The following TNS3 variants were observed in gnomAD, a reference collection of about 807,000 sequenced individuals.
TNS3 encodes the protein tensin 3.
Under a neutral mutation model 140.9 loss-of-function variants are expected in TNS3, and 45 were observed. The observed-to-expected ratio is 0.32, with a 90% CI of 0.25 to 0.41. The LOEUF is 0.41. Among genes scored for constraint, TNS3 ranks in the 10% least tolerant of loss-of-function variants. TNS3 has a pLI of 1.00. For synonymous variants in TNS3, 815 were observed against 788.4 expected, an observed-to-expected ratio of 1.03 and a Z score of -0.56; for missense variants, 1,716 against 1,906.7, an observed-to-expected ratio of 0.90 and a Z score of 1.86.
chr7:47,449,151 G>A (rs1305633296), intron 4 of TNS3, among the ~76,000 whole-genome samples: 1 of 152,232 alleles, frequency 6.6e-6, no homozygotes, highest in African/African-American at 2.4e-5. Flanking sequence ...ACTGCTCGAC[G>A]TTCAGCACTG....
At position 47,277,583 on chromosome 7, in the gene TNS3, G is replaced by A. The variant is rs940322977; in HGVS notation, c.*493C>T. 10 of 211,056 alleles carry A rather than the reference G, an allele frequency of 4.7e-5. No individual in the cohort carries two copies. Among genetic ancestry groups the A allele is most frequent in the South Asian group, 1.6e-4 (2 of 12,528 alleles). The allele number at this position is 211,056 out of a possible 1,614,324, so 13.1% of individuals were successfully genotyped here. ...AAACATACGCCCCCTTCTCAGTTTC[G>A]TTAGCATCTCCATCTTGGGAAGACC... On this transcript the variant is annotated 3_prime_UTR_variant, in exon 31 of 31. Transcript: ENST00000311160.
At chr7:47,545,502 C>A (rs576894489) in intron 1 of TNS3, among the ~76,000 whole-genome samples, 1 of 152,170 alleles carries the variant, frequency 6.6e-6, no homozygotes, top group East Asian at 1.9e-4. Context: ...AGTTTAACAA[C>A]CTGCTCAGCT....
In TNS3 at chr7:47,368,369, C is replaced by A. The variant is rs749034698; in HGVS notation, c.2277G>T (p.Arg759=). The A allele has an allele frequency of 8.8e-6, 13 of 1,484,934 alleles. No homozygotes were observed. Among genetic ancestry groups the A allele is most frequent in the African/African-American group, 1.4e-5 (1 of 70,778 alleles). The allele number at this position is 1,484,934 out of a possible 1,614,324, so 92.0% of individuals were successfully genotyped here. Residue 759 remains arginine (R), a synonymous_variant, in exon 17 of 31, where the codon CGG becomes CGT. Coordinates refer to ENST00000311160, the MANE Select transcript of TNS3 (RefSeq NM_022748.12). Reference sequence around the variant, plus strand: ...TCCCATGGAGACCCAGCTCACCTTGCCGCCCGGTGGCCCTGCTGGGGCCCT... The same window carrying A: ...TCCCATGGAGACCCAGCTCACCTTGACGCCCGGTGGCCCTGCTGGGGCCCT... ...TGEGPSRATG[R]QGSSAEQPLG...
At chr7:47,417,006 C>G (rs987469490) in intron 10 of TNS3, among the ~76,000 whole-genome samples, 4 of 152,212 alleles carry the variant, frequency 2.6e-5, no homozygotes, top group Non-Finnish European at 4.4e-5. Flanking sequence ...CCATGTGCTG[C>G]AGTGACCACG....
At chr7:47,459,442 A>G (rs1029861635) in intron 4 of TNS3, among the ~76,000 whole-genome samples, 2 of 152,208 alleles carry the variant, frequency 1.3e-5, no homozygotes, top group African/African-American at 4.8e-5. Context: ...AAGTGTCTGG[A>G]TAGTTATGAA....
At chr7:47,381,130 C>T (rs73111060) in intron 16 of TNS3, among the ~76,000 whole-genome samples, 2,131 of 152,342 alleles carry the variant, frequency 0.014, 20 homozygotes, top group Non-Finnish European at 0.02. Flanking sequence ...TTTCTGCCTT[C>T]ACTCCTGAGT....
intron 4 of TNS3, among the ~76,000 whole-genome samples, chr7:47,460,766 G>A (rs981355504): frequency 6.6e-6 from 1 of 152,220 alleles, no homozygotes; most frequent in Non-Finnish European, 1.5e-5. Context: ...AGTCAAGCTG[G>A]TTAATGTAAC....
intron 3 of TNS3, among the ~76,000 whole-genome samples, chr7:47,504,957 A>T (rs780573780): frequency 1.3e-5 from 2 of 151,888 alleles, no homozygotes; most frequent in Non-Finnish European, 2.9e-5. Flanking sequence ...ATATTCAGTG[A>T]TAGTTAAGGA....
At chr7:47,311,312 A>G (rs544738897) in intron 20 of TNS3, among the ~76,000 whole-genome samples, 2 of 152,272 alleles carry the variant, frequency 1.3e-5, no homozygotes, top group South Asian at 2.1e-4. Flanking sequence ...GTAAATGACG[A>G]GTTAATGGGT....
chr7:47,350,329 A>C (rs1311404296), intron 17 of TNS3, among the ~76,000 whole-genome samples: 2 of 152,216 alleles, frequency 1.3e-5, no homozygotes, highest in Non-Finnish European at 2.9e-5. Context: ...TCTCGTGTGA[A>C]TTTCAGATTT....
chr7:47,319,388 AGAGT>A (rs1012356893), intron 20 of TNS3, among the ~76,000 whole-genome samples: 1 of 152,028 alleles, frequency 6.6e-6, no homozygotes, highest in Non-Finnish European at 1.5e-5. Context: ...CGAGAGAGAG[AGAGT>A]GAGAGAGTGA....
intron 17 of TNS3, among the ~76,000 whole-genome samples, chr7:47,358,029 C>T (rs1201528951): frequency 6.6e-6 from 1 of 152,170 alleles, no homozygotes; most frequent in African/African-American, 2.4e-5. Context: ...GCCCCAAATA[C>T]CTCATCAATG....
At chr7:47,419,790 G>A (rs541394886) in intron 10 of TNS3, among the ~76,000 whole-genome samples, 103 of 152,028 alleles carry the variant, frequency 6.8e-4, no homozygotes, top group Middle Eastern at 3.4e-3. Flanking sequence ...CTGTTCTCTG[G>A]CCCCACCCAG....
In TNS3 at chr7:47,275,766, C is replaced by T. The variant is rs774978167; in HGVS notation, c.*2310G>A. 17 of 454,896 alleles carry T rather than the reference C, an allele frequency of 3.7e-5. No homozygotes were observed. Among genetic ancestry groups the T allele is most frequent in the South Asian group, 9.3e-5 (6 of 64,508 alleles). 28.2% of individuals were successfully genotyped at this position (454,896 alleles called of 1,614,324 possible). ...GCAAATTCCCCGATGCCCTTGACCA[C>T]GTTTACCTTGTGTAAAAATCACACC... On this transcript the variant is annotated 3_prime_UTR_variant, in exon 31 of 31. Coordinates refer to ENST00000311160, the MANE Select transcript of TNS3 (RefSeq NM_022748.12).
chr7:47,500,085 A>C (rs1401026922), intron 3 of TNS3, among the ~76,000 whole-genome samples: 1 of 151,972 alleles, frequency 6.6e-6, no homozygotes, highest in Admixed American at 6.6e-5. Context: ...ACATTAAAAC[A>C]CACACACACA....
intron 20 of TNS3, among the ~76,000 whole-genome samples, chr7:47,339,981 G>A (rs200742441): frequency 5.2e-5 from 6 of 114,860 alleles, no homozygotes; most frequent in Non-Finnish European, 5.7e-5. Flanking sequence ...ATATATATAT[G>A]TATACATATG....
chr7:47,544,605 G>T (rs1179250960), intron 1 of TNS3, among the ~76,000 whole-genome samples: 1 of 152,080 alleles, frequency 6.6e-6, no homozygotes, highest in African/African-American at 2.4e-5. Context: ...CCAGAGCCTT[G>T]ATCTTGGACT....
chr7:47,443,346 G>A lies in TNS3; in HGVS notation c.-75-1291C>T, dbSNP rs540516036. Among the ~76,000 whole-genome samples, 9 of 152,130 alleles carry A rather than the reference G, an allele frequency of 5.9e-5. No homozygotes were observed. In the East Asian group the frequency reaches 1.4e-3, roughly 23 times the overall value. ...GGCAGACCTGGTCAAGTGAAGTCCC[G>A]TGGTCTCCAGACCCCGCCCACCCCT... On this transcript the variant is annotated intron_variant, in intron 4 of 30. Coordinates refer to ENST00000311160, the MANE Select transcript of TNS3 (RefSeq NM_022748.12).
At chr7:47,349,632 C>G (rs1007458278) in intron 17 of TNS3, among the ~76,000 whole-genome samples, 4 of 152,268 alleles carry the variant, frequency 2.6e-5, no homozygotes, top group Admixed American at 1.3e-4. Context: ...GGAAAAGACA[C>G]AGGCACACAA....
Sources: gnomAD v4.1 joint callset for allele counts (sites outside exome capture counted in the v4.1 genomes callset) on GRCh38, gnomAD v4.1.1 for gene constraint, MANE v1.5 for transcripts, NCBI Gene and HGNC (gene_info 2026-07-23, HGNC 2026-07-21) for gene names.